Variants in CDH13 observed in about 807,000 individuals in gnomAD.
CDH13 encodes cadherin-13.
In CDH13, 24 loss-of-function variants were observed where a neutral mutation model predicts 63.8. That is an observed-to-expected ratio of 0.38 (90% confidence interval 0.27 to 0.53). The LOEUF is 0.53. Among genes scored for constraint, CDH13 ranks in the 20% least tolerant of loss-of-function variants. The pLI, the probability that CDH13 is intolerant of heterozygous loss-of-function variation, is 0.85. For missense variants in CDH13, 1,049 were observed against 903.1 expected (o/e 1.16, Z -2.07); for synonymous variants, 503 against 355.3 (o/e 1.42, Z -4.67).
At chr16:83,163,146 G>A (rs139297519) in intron 4 of CDH13, among the ~76,000 whole-genome samples, 1 of 152,112 alleles carries the variant, frequency 6.6e-6, no homozygotes, top group African/African-American at 2.4e-5. Context: ...GCCACCATGT[G>A]AGACATGCCA....
At chr16:83,034,344 G>A (rs1017623817) in intron 3 of CDH13, among the ~76,000 whole-genome samples, 2 of 152,146 alleles carry the variant, frequency 1.3e-5, no homozygotes, top group Non-Finnish European at 2.9e-5. Flanking sequence ...CATCTGTGAA[G>A]CTGTGAGTTA....
chr16:83,327,613 A>G (rs151147794), intron 5 of CDH13, among the ~76,000 whole-genome samples: 1,816 of 152,334 alleles, frequency 0.012, 19 homozygotes, highest in Admixed American at 0.02. Context: ...CAGACCAGAA[A>G]AATGGCTGTT....
At chr16:83,115,762 A>T (rs1034455947) in intron 3 of CDH13, among the ~76,000 whole-genome samples, 1 of 152,226 alleles carries the variant, frequency 6.6e-6, no homozygotes, top group Admixed American at 6.5e-5. Context: ...CCCAGAAGTT[A>T]TGAAAGTAGG....
chr16:83,061,600 C>G (rs547814194), intron 3 of CDH13, among the ~76,000 whole-genome samples: 4 of 152,288 alleles, frequency 2.6e-5, no homozygotes, highest in African/African-American at 9.6e-5. Context: ...ATTCAGGGCA[C>G]CCAATGCAAA....
At position 82,696,417 on chromosome 16, in the gene CDH13, C is replaced by T. The variant is rs540934556; in HGVS notation, c.45+69280C>T. Among the ~76,000 whole-genome samples the T allele has an allele frequency of 7.9e-5, 12 of 152,274 alleles. No individual in the cohort carries two copies. In the South Asian group the frequency reaches 1.7e-3, roughly 21 times the overall value. Reference sequence around the variant, plus strand: ...ATTCAAAAGTAAAACTCAATGGGAACACCGTTGTTTTGTAAGAGTAAGAAA... The same window carrying T: ...ATTCAAAAGTAAAACTCAATGGGAATACCGTTGTTTTGTAAGAGTAAGAAA... On this transcript the variant is annotated intron_variant, in intron 1 of 13. Coordinates refer to ENST00000567109, the MANE Select transcript of CDH13 (RefSeq NM_001257.5).
intron 2 of CDH13, among the ~76,000 whole-genome samples, chr16:82,985,983 C>T (rs1047297143): frequency 3.3e-5 from 5 of 152,164 alleles, no homozygotes; most frequent in African/African-American, 1.2e-4. Context: ...GCAGAGCAGA[C>T]ATTGGCATCA....
intron 1 of CDH13, among the ~76,000 whole-genome samples, chr16:82,793,678 C>T (rs1307029961): frequency 6.6e-6 from 1 of 152,184 alleles, no homozygotes; most frequent in Admixed American, 6.5e-5. Flanking sequence ...TTATTCTCCG[C>T]AGCCTCCTTC....
intron 3 of CDH13, among the ~76,000 whole-genome samples, chr16:83,044,719 A>G (rs977937421): frequency 3.3e-5 from 5 of 152,350 alleles, no homozygotes; most frequent in African/African-American, 1.2e-4. Context: ...GAGTGAGGAC[A>G]GTGAGACTCA....
At chr16:82,901,155 C>T (rs553649148) in intron 2 of CDH13, among the ~76,000 whole-genome samples, 12 of 151,722 alleles carry the variant, frequency 7.9e-5, no homozygotes, top group Admixed American at 2.6e-4. Flanking sequence ...TAAAAATGTC[C>T]GTACAGAAGA....
At chr16:83,373,541 T>C (rs2091409783) in intron 6 of CDH13, among the ~76,000 whole-genome samples, 1 of 152,036 alleles carries the variant, frequency 6.6e-6, no homozygotes. Flanking sequence ...GGGCATAGGC[T>C]ATGGGGATGG....
intron 7 of CDH13, among the ~76,000 whole-genome samples, chr16:83,537,801 G>A (rs1189152783): frequency 6.6e-6 from 1 of 152,046 alleles, no homozygotes; most frequent in Non-Finnish European, 1.5e-5. Flanking sequence ...TTATATCTTT[G>A]GAATATCTGA....
chr16:82,993,648 T>C (rs146767827), intron 2 of CDH13, among the ~76,000 whole-genome samples: 17 of 152,330 alleles, frequency 1.1e-4, no homozygotes, highest in African/African-American at 3.8e-4. Context: ...CTGTGTCTGC[T>C]AGTTCAGAGG....
At chr16:82,819,146 G>C (rs1402180356) in intron 1 of CDH13, among the ~76,000 whole-genome samples, 1 of 152,212 alleles carries the variant, frequency 6.6e-6, no homozygotes, top group Admixed American at 6.5e-5. Context: ...TCATTGTTTA[G>C]AGTGTTTTTA....
At chr16:83,376,925 G>C (rs1409932217) in intron 6 of CDH13, among the ~76,000 whole-genome samples, 3 of 152,132 alleles carry the variant, frequency 2.0e-5, no homozygotes, top group Non-Finnish European at 4.4e-5. Context: ...CACATAAGAA[G>C]TTTGGCTACC....
intron 8 of CDH13, among the ~76,000 whole-genome samples, chr16:83,607,234 A>G (rs977074871): frequency 3.9e-5 from 6 of 152,074 alleles, no homozygotes; most frequent in Non-Finnish European, 7.4e-5. Context: ...CCTGACCAAT[A>G]TGGTGAAACC....
At chr16:83,084,374 T>C (rs2033447052) in intron 3 of CDH13, among the ~76,000 whole-genome samples, 1 of 152,198 alleles carries the variant, frequency 6.6e-6, no homozygotes, top group Non-Finnish European at 1.5e-5. Context: ...GAAGTATTCA[T>C]CTTCTCTTTG....
intron 8 of CDH13, among the ~76,000 whole-genome samples, chr16:83,652,500 C>A (rs1912476416): frequency 6.6e-6 from 1 of 152,078 alleles, no homozygotes; most frequent in African/African-American, 2.4e-5. Context: ...AGCAACACCC[C>A]ATGGAAATTG....
intron 5 of CDH13, among the ~76,000 whole-genome samples, chr16:83,237,246 C>G (rs532842357): frequency 5.3e-5 from 8 of 152,324 alleles, no homozygotes; most frequent in Non-Finnish European, 7.4e-5. Context: ...CAGCAAAGAG[C>G]TGAGTGGGCA....
At chr16:83,481,322 G>GTT (rs1398609572) in intron 6 of CDH13, among the ~76,000 whole-genome samples, 1 of 152,196 alleles carries the variant, frequency 6.6e-6, no homozygotes, top group Admixed American at 6.5e-5. Context: ...CAAAGGAAAT[G>GTT]TTTAGGGATG....
Sources: gnomAD v4.1 joint callset for allele counts (sites outside exome capture counted in the v4.1 genomes callset) on GRCh38, gnomAD v4.1.1 for gene constraint, MANE v1.5 for transcripts, NCBI Gene and HGNC (gene_info 2026-07-23, HGNC 2026-07-21) for gene names.